EYA2: variants seen among roughly 807,000 people sequenced by gnomAD.
The protein encoded by EYA2 is protein phosphatase EYA2.
In EYA2, 31 loss-of-function variants were observed where a neutral mutation model predicts 69.2. The observed-to-expected ratio is 0.45, with a 90% CI of 0.34 to 0.60. The LOEUF (loss-of-function observed/expected upper bound fraction) is 0.60, where lower values mean the gene tolerates loss of function less well. EYA2 is among the 20% of genes least tolerant of loss of function. The probability of loss-of-function intolerance (pLI) is 0.02; values close to 1 mark genes in which losing one functional copy is unlikely to be tolerated. For synonymous variants in EYA2, 257 were observed against 279.4 expected (o/e 0.92, Z 0.80); for missense variants, 622 against 701.2 (o/e 0.89, Z 1.28).
At chr20:47,038,417 G>A (rs1984838479) in intron 5 of EYA2, among the ~76,000 whole-genome samples, 1 of 152,212 alleles carries the variant, frequency 6.6e-6, no homozygotes, top group Non-Finnish European at 1.5e-5. Context: ...CTTGAGCCCA[G>A]GAGATTGAGG....
At chr20:47,102,776 C>G (rs1232025335) in intron 9 of EYA2, among the ~76,000 whole-genome samples, 1 of 152,216 alleles carries the variant, frequency 6.6e-6, no homozygotes, top group Non-Finnish European at 1.5e-5. Flanking sequence ...CTCCCAGCAT[C>G]TTGTGGATCC....
intron 9 of EYA2, among the ~76,000 whole-genome samples, chr20:47,119,473 C>T (rs1207303336): frequency 6.6e-6 from 1 of 152,148 alleles, no homozygotes; most frequent in Non-Finnish European, 1.5e-5. Context: ...GATAGTCATA[C>T]TCGTGGAATA....
chr20:47,041,185 T>C (rs546153230), intron 5 of EYA2, among the ~76,000 whole-genome samples: 1 of 152,350 alleles, frequency 6.6e-6, no homozygotes. Flanking sequence ...TTCTGTTCTC[T>C]AGTGTTTAAA....
At chr20:46,960,253 T>C (rs1979391524) in intron 1 of EYA2, among the ~76,000 whole-genome samples, 1 of 151,982 alleles carries the variant, frequency 6.6e-6, no homozygotes, top group African/African-American at 2.4e-5. Flanking sequence ...ACTATTATTA[T>C]CCCCATTTTA....
rs774269626 is a variant in EYA2, at chr20:47,072,239, G to C, written c.470G>C (p.Gly157Ala). Residue 157 changes from glycine to alanine, a missense_variant, in exon 6 of 16, where the codon GGG (glycine) becomes GCG (alanine). Transcript: ENST00000327619. ...GGACTGGGCAACGCAGCCGGTTTCG[G>C]GAGTGTGCACCAGGTAGACATGGCT... ...GNGLGNAAGF[G>A]SVHQDYPSYP... 1 of 1,611,976 alleles carries C rather than the reference G, an allele frequency of 6.2e-7. No individual in the cohort carries two copies. The highest frequency in any genetic ancestry group is 1.3e-5 in the African/African-American group (1 of 74,904).
chr20:46,933,902 A>T (rs534287591), intron 1 of EYA2, among the ~76,000 whole-genome samples: 1 of 152,352 alleles, frequency 6.6e-6, no homozygotes, highest in East Asian at 1.9e-4. Context: ...TGCTCAATTA[A>T]AAAGTGTTGG....
At chr20:46,981,216 T>G (rs1980814381) in intron 1 of EYA2, among the ~76,000 whole-genome samples, 1 of 152,214 alleles carries the variant, frequency 6.6e-6, no homozygotes, top group Non-Finnish European at 1.5e-5. Flanking sequence ...CATGTAAATG[T>G]GATCAGGAAA....
intron 7 of EYA2, among the ~76,000 whole-genome samples, chr20:47,080,292 T>C (rs909413569): frequency 2.6e-5 from 4 of 151,654 alleles, no homozygotes; most frequent in Non-Finnish European, 4.4e-5. Context: ...TGGAACTGAA[T>C]GAAAATGAAA....
At position 47,100,003 on chromosome 20, in the gene EYA2, CTTTGG is replaced by C. The variant is rs58530559; in HGVS notation, c.888+2869_888+2873del. 1.1e-3 allele frequency among the ~76,000 whole-genome samples: 172 copies of C among 151,652 alleles called. 5 individuals are homozygous for C. In the South Asian group the frequency reaches 0.033, roughly 29 times the overall value. ...TGTTAAGCTGCACGAGGACAGGGAC[CTTTGG>C]TTTGGTTTGGTTTGGTTTGGTTTGG... On this transcript the variant is annotated intron_variant, in intron 9 of 15. Transcript: ENST00000327619.
chr20:46,948,123 AG>A (rs1377117228), intron 1 of EYA2, among the ~76,000 whole-genome samples: 1 of 148,900 alleles, frequency 6.7e-6, no homozygotes, highest in African/African-American at 2.5e-5. Flanking sequence ...AAAAAAAAAA[AG>A]AAAAAGAAAA....
intron 10 of EYA2, among the ~76,000 whole-genome samples, chr20:47,145,795 G>A (rs1010564896): frequency 6.6e-6 from 1 of 152,008 alleles, no homozygotes; most frequent in African/African-American, 2.4e-5. Flanking sequence ...CAGCTACTCA[G>A]GAAGCTGAGG....
intron 9 of EYA2, among the ~76,000 whole-genome samples, chr20:47,120,559 G>C (rs1323684606): frequency 6.6e-6 from 1 of 152,182 alleles, no homozygotes; most frequent in Non-Finnish European, 1.5e-5. Flanking sequence ...CATGGTGTCT[G>C]TTGTGACATT....
chr20:46,966,536 C>T (rs946995972), intron 1 of EYA2, among the ~76,000 whole-genome samples: 3 of 151,868 alleles, frequency 2.0e-5, no homozygotes, highest in Non-Finnish European at 4.4e-5. Context: ...AGGCCTGGCG[C>T]GGTGGCTCAC....
At chr20:47,148,095 G>A (rs929725294) in intron 10 of EYA2, among the ~76,000 whole-genome samples, 4 of 151,876 alleles carry the variant, frequency 2.6e-5, no homozygotes, top group African/African-American at 4.8e-5. Flanking sequence ...AATGGTCCGG[G>A]ACACAGAAGG....
At chr20:46,981,375 C>T (rs1347664964) in intron 1 of EYA2, among the ~76,000 whole-genome samples, 2 of 152,184 alleles carry the variant, frequency 1.3e-5, no homozygotes, top group African/African-American at 4.8e-5. Flanking sequence ...TGCAAGTCAC[C>T]AGTGCCTGTA....
At chr20:47,158,704 G>A (rs951428865) in intron 10 of EYA2, among the ~76,000 whole-genome samples, 1 of 151,918 alleles carries the variant, frequency 6.6e-6, no homozygotes. Flanking sequence ...TTATCCCAGA[G>A]CATCTTTTAG....
intron 1 of EYA2, among the ~76,000 whole-genome samples, chr20:46,899,665 T>C (rs1382626849): frequency 2.0e-5 from 3 of 152,152 alleles, no homozygotes; most frequent in Non-Finnish European, 4.4e-5. Context: ...TTGGAACAGG[T>C]GGTGCCGAGA....
Position 47,011,219 on chromosome 20 carries a change from G to A in EYA2, c.299-4962G>A, listed in dbSNP as rs184952708. Among the ~76,000 whole-genome samples, 518 of 152,276 alleles carry A rather than the reference G, an allele frequency of 3.4e-3. 2 individuals are homozygous for A. The highest frequency in any genetic ancestry group is 0.012 in the African/African-American group (484 of 41,554). ...GGTCCAAAACCCTCATTGTAGTCACGAGGAAACTGAGGCTTGGAAAGCAGA... is the reference window on the plus strand; with the variant it reads ...GGTCCAAAACCCTCATTGTAGTCACAAGGAAACTGAGGCTTGGAAAGCAGA... On this transcript the variant is annotated intron_variant, in intron 4 of 15. Transcript: ENST00000327619.
intron 9 of EYA2, among the ~76,000 whole-genome samples, chr20:47,125,885 T>TG (rs1370913189): frequency 1.9e-5 from 2 of 102,642 alleles, no homozygotes; most frequent in South Asian, 3.1e-4. Context: ...TTTGTGTGTG[T>TG]TTTTTTTTCT....
Sources: allele counts gnomAD v4.1 joint callset (sites outside exome capture counted in the v4.1 genomes callset), GRCh38; gene constraint gnomAD v4.1.1; transcripts MANE v1.5; gene names NCBI Gene and HGNC (gene_info 2026-07-23, HGNC 2026-07-21).